JAK1: variants seen among roughly 807,000 people sequenced by gnomAD.
JAK1 encodes Janus kinase 1.
JAK1 carries 16 observed loss-of-function variants against 136.6 expected under a neutral mutation model. The ratio of observed to expected loss-of-function variants is 0.12; its 90% CI spans 0.08 to 0.18. The LOEUF (loss-of-function observed/expected upper bound fraction) is 0.18, where lower values mean the gene tolerates loss of function less well. Among genes scored for constraint, JAK1 ranks in the 10% least tolerant of loss-of-function variants. JAK1 has a pLI of 1.00. For missense variants in JAK1, 859 were observed against 1,450.1 expected (o/e 0.59, Z 6.62); for synonymous variants, 492 against 519.5 (o/e 0.95, Z 0.72).
intron 2 of JAK1, among the ~76,000 whole-genome samples, chr1:64,885,895 C>A (rs1200078145): frequency 6.6e-6 from 1 of 152,162 alleles, no homozygotes; most frequent in Admixed American, 6.5e-5. Flanking sequence ...GAAAGATGCA[C>A]AGGACATTCT....
chr1:64,967,238 A>T (rs146146289), upstream of JAK1, among the ~76,000 whole-genome samples: 366 of 152,328 alleles, frequency 2.4e-3, 2 homozygotes, highest in African/African-American at 8.5e-3. Context: ...GCCAAGATTC[A>T]TACTTCGTAG....
At chr1:64,864,621 A>G (rs1220308666) in intron 8 of JAK1, among the ~76,000 whole-genome samples, 166 bp downstream of exon 8, 1 of 152,252 alleles carries the variant, frequency 6.6e-6, no homozygotes, top group Non-Finnish European at 1.5e-5. Context: ...GTGTAACTTT[A>G]AAACACTGAG....
At chr1:64,889,406 G>A (rs192581897) in intron 1 of JAK1, among the ~76,000 whole-genome samples, 3 of 152,122 alleles carry the variant, frequency 2.0e-5, no homozygotes, top group Admixed American at 1.3e-4. Flanking sequence ...TCTTCCACCC[G>A]AATTTATTTA....
intron 6 of JAK1, among the ~76,000 whole-genome samples, chr1:64,869,037 G>A (rs539861923): frequency 1.6e-4 from 24 of 152,288 alleles, no homozygotes; most frequent in African/African-American, 5.1e-4. Context: ...GCAAGGAGGG[G>A]ACGGAGAAGG....
At chr1:65,016,566 T>C (rs991645721) in intron 2 of JAK1, among the ~76,000 whole-genome samples, 12 of 152,182 alleles carry the variant, frequency 7.9e-5, no homozygotes, top group African/African-American at 2.9e-4. Flanking sequence ...ACTGCACCAC[T>C]GCACTCCAGC....
At chr1:64,856,734 G>A (rs1161040014) in intron 10 of JAK1, among the ~76,000 whole-genome samples, 1 of 152,220 alleles carries the variant, frequency 6.6e-6, no homozygotes, top group East Asian at 1.9e-4. Context: ...TTCAGCAAGA[G>A]CCTGGGCAGG....
At chr1:64,923,077 A>C (rs996837619) in intron 1 of JAK1, among the ~76,000 whole-genome samples, 1 of 152,198 alleles carries the variant, frequency 6.6e-6, no homozygotes, top group African/African-American at 2.4e-5. Flanking sequence ...TTGGGGTAGG[A>C]AACAATTGCA....
intron 1 of JAK1, among the ~76,000 whole-genome samples, chr1:64,912,800 T>C (rs1165915319): frequency 1.3e-5 from 2 of 152,222 alleles, no homozygotes; most frequent in Admixed American, 1.3e-4. Flanking sequence ...TTCTGGAACA[T>C]GAAACATTTA....
upstream of JAK1, among the ~76,000 whole-genome samples, chr1:64,968,330 G>C (rs1319342003): frequency 1.3e-5 from 2 of 152,094 alleles, no homozygotes; most frequent in Non-Finnish European, 2.9e-5. Flanking sequence ...ACCTCTGAAT[G>C]CTCAATGCAG....
intron 1 of JAK1, among the ~76,000 whole-genome samples, chr1:64,957,671 G>A (rs1205386825): frequency 3.3e-5 from 5 of 151,694 alleles, no homozygotes; most frequent in Non-Finnish European, 5.9e-5. Context: ...TTAGCCGGGC[G>A]TGGTGGCGGG....
rs762318572 is a variant in JAK1 at position 64,883,277 on chromosome 1, G to C, written c.205C>G (p.Arg69Gly). Residue 69 changes from arginine (R) to glycine (G), a missense_variant and splice_region_variant, in exon 3 of 25, where the codon CGT (arginine) becomes GGT (glycine). Arg to Gly is a moderately radical substitution (Grantham distance 125). Transcript: ENST00000342505. ...ELCIRAAQAC[R>G]ISPLCHNLFA... The stretch of plus-strand genomic sequence containing the variant: ...GCCCTGGGCAGCTGCCAGTACTCAC[G>C]GCATGCCTGTGCAGCCCTGATGCAC... 1.2e-6 allele frequency: 2 copies of C among 1,611,970 alleles called. No homozygotes were observed. The highest frequency in any genetic ancestry group is 2.7e-5 in the African/African-American group (2 of 74,866).
intron 1 of JAK1, among the ~76,000 whole-genome samples, chr1:65,050,261 C>G (rs1339420403): frequency 6.6e-6 from 1 of 152,110 alleles, no homozygotes; most frequent in Non-Finnish European, 1.5e-5. Flanking sequence ...CGCCATCTAA[C>G]GAGACATTAA....
At chr1:64,868,594 C>CAA (rs1656859732) in intron 6 of JAK1, among the ~76,000 whole-genome samples, 1 of 152,142 alleles carries the variant, frequency 6.6e-6, no homozygotes, top group African/African-American at 2.4e-5. Context: ...CTGTGATCTG[C>CAA]TCTAGACTCT....
intron 4 of JAK1, among the ~76,000 whole-genome samples, chr1:64,874,196 C>T (rs550701399): frequency 3.9e-4 from 59 of 152,200 alleles, no homozygotes; most frequent in African/African-American, 1.4e-3. Flanking sequence ...GCTAGGTGAC[C>T]TAAAACTACA....
At chr1:64,970,135 A>AAAAAAAC (rs1646437246), upstream of JAK1, among the ~76,000 whole-genome samples, 1 of 21,368 alleles carries the variant, frequency 4.7e-5, no homozygotes, top group African/African-American at 1.2e-4. Context: ...ACCCTGTCTC[A>AAAAAAAC]AAAAAAAAAA....
At chr1:64,840,264 T>G (rs74566174) in intron 19 of JAK1, among the ~76,000 whole-genome samples, 2,266 of 152,294 alleles carry the variant, frequency 0.015, 21 homozygotes, top group Non-Finnish European at 0.024. Flanking sequence ...AGCTGGCTCC[T>G]GATGCACTCG....
At chr1:65,054,114 C>A (rs499870) in intron 1 of JAK1, among the ~76,000 whole-genome samples, 10,934 of 152,096 alleles carry the variant, frequency 0.072, 669 homozygotes, top group East Asian at 0.31. Context: ...CAAATGAATC[C>A]TTTTTACCCA....
At chr1:64,847,922 T>C in intron 12 of JAK1, 1 of 487,404 alleles carries the variant, frequency 2.1e-6, no homozygotes, top group Admixed American at 3.4e-5. Flanking sequence ...CCTTGCTTTC[T>C]ACCCCTAGGA....
intron 1 of JAK1, among the ~76,000 whole-genome samples, chr1:64,953,013 G>A (rs1267291875): frequency 6.6e-6 from 1 of 152,170 alleles, no homozygotes; most frequent in Non-Finnish European, 1.5e-5. Flanking sequence ...CAGACTGGTC[G>A]CAGATTTGGG....
Sources: gnomAD v4.1 joint callset for allele counts (sites outside exome capture counted in the v4.1 genomes callset) on GRCh38, gnomAD v4.1.1 for gene constraint, MANE v1.5 for transcripts, NCBI Gene and HGNC (gene_info 2026-07-23, HGNC 2026-07-21) for gene names.